The following SLC30A8 variants were observed in gnomAD, a reference collection of about 807,000 sequenced individuals.
SLC30A8 encodes the protein solute carrier family 30 member 8.
In SLC30A8, 27 loss-of-function variants were observed where a neutral mutation model predicts 36.9. The ratio of observed to expected loss-of-function variants is 0.73; its 90% CI spans 0.54 to 1.01. The LOEUF is 1.01. SLC30A8 is among the 50% of genes least tolerant of loss of function. SLC30A8 has a pLI of 0.00. For missense variants in SLC30A8, 439 were observed against 452.0 expected, an observed-to-expected ratio of 0.97 and a Z score of 0.26; for synonymous variants, 164 against 172.4, an observed-to-expected ratio of 0.95 and a Z score of 0.38.
chr8:117,001,652 A>G (rs1295965541), intron 1 of SLC30A8, among the ~76,000 whole-genome samples: 8 of 152,126 alleles, frequency 5.3e-5, no homozygotes, highest in Non-Finnish European at 1.0e-4. Context: ...CTGGGCTAAG[A>G]TTGTATTTCT....
chr8:117,067,561 A>G (rs1818206980), intron 2 of SLC30A8, among the ~76,000 whole-genome samples: 1 of 152,136 alleles, frequency 6.6e-6, no homozygotes, highest in African/African-American at 2.4e-5. Flanking sequence ...TTGAAAACAC[A>G]AGGTTAGTCC....
At chr8:117,091,561 C>T (rs1379839250) in intron 2 of SLC30A8, among the ~76,000 whole-genome samples, 1 of 152,102 alleles carries the variant, frequency 6.6e-6, no homozygotes, top group Non-Finnish European at 1.5e-5. Context: ...ATTGAATTAT[C>T]TTGGTGGTAA....
chr8:117,057,344 T>A (rs1050901737), intron 2 of SLC30A8, among the ~76,000 whole-genome samples: 20 of 152,222 alleles, frequency 1.3e-4, no homozygotes, highest in African/African-American at 4.8e-4. Context: ...CACAATTGAA[T>A]TAATGTATCC....
At chr8:117,160,437 G>A (rs908943030) in intron 4 of SLC30A8, among the ~76,000 whole-genome samples, 6 of 123,156 alleles carry the variant, frequency 4.9e-5, no homozygotes, top group South Asian at 2.3e-4. Context: ...GTGTGTGTGC[G>A]CGCACATGTG....
chr8:116,965,182 C>G (rs190031631), intron 1 of SLC30A8, among the ~76,000 whole-genome samples: 36 of 152,336 alleles, frequency 2.4e-4, no homozygotes, highest in African/African-American at 8.2e-4. Flanking sequence ...AGATGATCCA[C>G]CCGCCTTGGC....
intron 1 of SLC30A8, among the ~76,000 whole-genome samples, chr8:116,953,936 C>A (rs1814091497): frequency 1.3e-5 from 2 of 152,042 alleles, no homozygotes; most frequent in South Asian, 4.1e-4. Context: ...TCTCTGGCAG[C>A]AGTGTGGAAA....
chr8:117,085,528 T>C (rs1017241337), intron 2 of SLC30A8, among the ~76,000 whole-genome samples: 1 of 152,196 alleles, frequency 6.6e-6, no homozygotes, highest in Admixed American at 6.5e-5. Context: ...AATCTTAGAA[T>C]GTCATGGGAC....
At chr8:117,044,115 G>A (rs1187327632) in intron 2 of SLC30A8, among the ~76,000 whole-genome samples, 1 of 152,178 alleles carries the variant, frequency 6.6e-6, no homozygotes, top group African/African-American at 2.4e-5. Flanking sequence ...TCTATCCAAA[G>A]GAGGTGACAT....
intron 1 of SLC30A8, among the ~76,000 whole-genome samples, chr8:116,990,207 C>T (rs886505557): frequency 6.6e-6 from 1 of 152,090 alleles, no homozygotes; most frequent in African/African-American, 2.4e-5. Context: ...CATTTTCCTG[C>T]TTGTTCCTAA....
At chr8:117,058,896 C>T (rs756062587) in intron 2 of SLC30A8, among the ~76,000 whole-genome samples, 32 of 152,222 alleles carry the variant, frequency 2.1e-4, no homozygotes, top group Middle Eastern at 3.4e-3. Context: ...AAAACAAAGA[C>T]TGAAAGGAAC....
At chr8:117,056,905 T>G (rs1465980764) in intron 2 of SLC30A8, among the ~76,000 whole-genome samples, 2 of 152,176 alleles carry the variant, frequency 1.3e-5, no homozygotes, top group Non-Finnish European at 2.9e-5. Context: ...GGAAGTGGAC[T>G]AGAGTTTCAC....
intron 1 of SLC30A8, among the ~76,000 whole-genome samples, chr8:117,035,421 C>T (rs964999213): frequency 4.6e-5 from 7 of 152,254 alleles, no homozygotes; most frequent in African/African-American, 1.7e-4. Flanking sequence ...AAATGATCTC[C>T]TTTGATTCCA....
At chr8:117,102,914 T>G (rs1475347044) in intron 2 of SLC30A8, among the ~76,000 whole-genome samples, 1 of 152,114 alleles carries the variant, frequency 6.6e-6, no homozygotes, top group East Asian at 1.9e-4. Context: ...GAGACACCAC[T>G]CAACTCAGCG....
At chr8:117,029,692 A>C (rs1816975134) in intron 1 of SLC30A8, among the ~76,000 whole-genome samples, 1 of 152,232 alleles carries the variant, frequency 6.6e-6, no homozygotes, top group African/African-American at 2.4e-5. Context: ...AGATAATTAC[A>C]AACAAGTAGA....
At chr8:117,043,584 CAG>C (rs912382579) in intron 2 of SLC30A8, among the ~76,000 whole-genome samples, 10 of 152,322 alleles carry the variant, frequency 6.6e-5, no homozygotes, top group Admixed American at 2.6e-4. Flanking sequence ...GACTATAAAA[CAG>C]GGGTATTTTA....
chr8:117,090,938 T>C (rs1484723089), intron 2 of SLC30A8, among the ~76,000 whole-genome samples: 1 of 152,236 alleles, frequency 6.6e-6, no homozygotes, highest in Non-Finnish European at 1.5e-5. Flanking sequence ...CCCAGTTCAG[T>C]ACCTGACATA....
chr8:117,059,029 A>AT (rs140661353), intron 2 of SLC30A8, among the ~76,000 whole-genome samples: 35,656 of 151,710 alleles, frequency 0.24, 4,633 homozygotes, highest in African/African-American at 0.35. Flanking sequence ...TGTGACAGAA[A>AT]TTTCATACTG....
At chr8:117,001,744 C>T (rs777849883) in intron 1 of SLC30A8, among the ~76,000 whole-genome samples, 9 of 152,068 alleles carry the variant, frequency 5.9e-5, no homozygotes, top group Non-Finnish European at 1.2e-4. Context: ...CAGATTTCCT[C>T]CAGATATGCT....
chr8:116,977,688 G>A (rs1380039984), intron 1 of SLC30A8, among the ~76,000 whole-genome samples: 1 of 151,562 alleles, frequency 6.6e-6, no homozygotes, highest in Non-Finnish European at 1.5e-5. Context: ...ATTTTTGTAT[G>A]TTAAGTAGAG....
Sources: gnomAD v4.1 joint callset for allele counts (sites outside exome capture counted in the v4.1 genomes callset) on GRCh38, gnomAD v4.1.1 for gene constraint, MANE v1.5 for transcripts, NCBI Gene and HGNC (gene_info 2026-07-23, HGNC 2026-07-21) for gene names.